Variants in RAD50 observed in about 807,000 individuals in gnomAD.
The protein encoded by RAD50 is DNA repair protein RAD50.
A neutral mutation model predicts 168.8 loss-of-function variants in RAD50; 132 were observed. That is an observed-to-expected ratio of 0.78 (90% CI 0.68 to 0.90). The LOEUF (loss-of-function observed/expected upper bound fraction) is 0.90. Ranked by LOEUF, RAD50 falls within the 40% of genes least tolerant of loss-of-function variation. RAD50 has a pLI of 0.00. For synonymous variants in RAD50, 525 were observed against 497.4 expected (o/e 1.06, Z -0.74); for missense variants, 1,347 against 1,534.4 (o/e 0.88, Z 2.04).
At chr5:132,641,377 A>G (rs1255002127) in intron 24 of RAD50, among the ~76,000 whole-genome samples, 2 of 152,182 alleles carry the variant, frequency 1.3e-5, no homozygotes, top group Non-Finnish European at 2.9e-5. Context: ...ATGCTGGCAG[A>G]GAAAAAGGCA....
intron 2 of RAD50, among the ~76,000 whole-genome samples, chr5:132,564,979 G>A (rs1178827926): frequency 6.6e-6 from 1 of 152,208 alleles, no homozygotes; most frequent in Non-Finnish European, 1.5e-5. Context: ...ACGTCTGGAT[G>A]TCCAGGCAGA....
intron 21 of RAD50, among the ~76,000 whole-genome samples, chr5:132,629,835 C>CT (rs1228857959): frequency 2.6e-5 from 4 of 152,064 alleles, no homozygotes; most frequent in Admixed American, 1.3e-4. Context: ...AAAAACATCA[C>CT]TAAGTATAAG....
intron 23 of RAD50, 79 bp from the exon 24 acceptor site, chr5:132,640,593 A>G: frequency 1.3e-6 from 2 of 1,593,530 alleles, no homozygotes; most frequent in East Asian, 2.2e-5. Context: ...CCCTGCTGAA[A>G]AGATCATGTC....
At chr5:132,607,683 C>A (rs1469585814) in intron 16 of RAD50, among the ~76,000 whole-genome samples, 8 of 152,272 alleles carry the variant, frequency 5.3e-5, no homozygotes, top group African/African-American at 1.9e-4. Context: ...ATGATGAAAT[C>A]TCTTTATAGA....
At chr5:132,619,889 G>GATATATATATATATATATAT (rs1281581940) in intron 21 of RAD50, among the ~76,000 whole-genome samples, 51 of 132,010 alleles carry the variant, frequency 3.9e-4, no homozygotes, top group African/African-American at 1.5e-3. Flanking sequence ...TATATATAGA[G>GATATATATATATATATATAT]AGAGAGAGAG....
chr5:132,565,723 C>T (rs150475081), intron 2 of RAD50, among the ~76,000 whole-genome samples: 6 of 152,270 alleles, frequency 3.9e-5, no homozygotes, highest in Non-Finnish European at 5.9e-5. Context: ...TCCCCCTAGC[C>T]GACTTAACCC....
chr5:132,589,527 G>A (rs866017536), intron 8 of RAD50, 104 bp from the exon 9 acceptor site: 14 of 883,240 alleles, frequency 1.6e-5, no homozygotes, highest in African/African-American at 6.8e-5. Context: ...ACACACGACT[G>A]TACTTTTTTG....
rs1581001042 is a variant in RAD50 at position 132,603,384 on chromosome 5, A to G, written c.2292A>G (p.Leu764=). ...LQNVNRDIQR[L]KNDIEEQETL... is the part of the protein sequence containing the mutation. The stretch of plus-strand genomic sequence containing the variant: ...ATGTCAATAGAGACATACAGCGCCT[A>G]AAGAACGACATAGAAGAACAAGAAA... The change falls in exon 14 of 25, where the codon CTA becomes CTG. Residue 764 remains leucine (L), a synonymous_variant. Transcript: ENST00000378823. 5.6e-6 allele frequency: 9 copies of G among 1,613,922 alleles called. No individual in the cohort carries two copies. The highest frequency in any genetic ancestry group is 1.3e-5 in the African/African-American group (1 of 75,048).
intron 19 of RAD50, among the ~76,000 whole-genome samples, chr5:132,615,351 G>A (rs1348956608): frequency 6.6e-6 from 1 of 152,106 alleles, no homozygotes; most frequent in Non-Finnish European, 1.5e-5. Flanking sequence ...GGCTAAGGAG[G>A]TACCAAGTTC....
intron 1 of RAD50, among the ~76,000 whole-genome samples, chr5:132,558,288 T>G (rs1449061014): frequency 6.6e-6 from 1 of 152,246 alleles, no homozygotes; most frequent in African/African-American, 2.4e-5. Flanking sequence ...AGAGTAGTAC[T>G]GTATAGTGTT....
chr5:132,598,915 T>C (rs932694199), intron 13 of RAD50, among the ~76,000 whole-genome samples: 2 of 152,212 alleles, frequency 1.3e-5, no homozygotes, highest in African/African-American at 4.8e-5. Context: ...GAGGATACTG[T>C]ATCTCTTGAT....
chr5:132,623,398 C>T (rs1284672410), intron 21 of RAD50, among the ~76,000 whole-genome samples: 1 of 152,156 alleles, frequency 6.6e-6, no homozygotes, highest in African/African-American at 2.4e-5. Flanking sequence ...AGGAGAATCG[C>T]TTGAACTGGG....
rs375069351 is a variant in RAD50, at chr5:132,587,676, G to A, written c.871G>A (p.Glu291Lys). ...GGAGAAAGATAATAGTGAACTGGAAGAGAAAATGGAAAAGGTTTGTGGTGG... is the reference window on the plus strand; with the variant it reads ...GGAGAAAGATAATAGTGAACTGGAAAAGAAAATGGAAAAGGTTTGTGGTGG... Reference protein sequence around the residue: ...QMEKDNSELEEKMEKVFQGTD... With the variant: ...QMEKDNSELEKKMEKVFQGTD... Residue 291 changes from glutamate to lysine, a missense_variant, in exon 6 of 25, where the codon GAG becomes AAG. This residue lies in a region of RAD50 where 703 missense variants were observed against 767.7 expected (regional missense o/e 0.92). Coordinates refer to ENST00000378823, the MANE Select transcript of RAD50 (RefSeq NM_005732.4). The A allele has an allele frequency of 8.7e-6, 14 of 1,613,582 alleles. No individual in the cohort carries two copies. The African/African-American group carries it at 1.7e-4, about 20-fold the overall frequency.
intron 20 of RAD50, among the ~76,000 whole-genome samples, 184 bp downstream of exon 20, chr5:132,616,314 G>A (rs1751174324): frequency 1.3e-5 from 2 of 152,284 alleles, no homozygotes; most frequent in African/African-American, 4.8e-5. Flanking sequence ...TACTGAAGAA[G>A]TGATATAGAA....
intron 9 of RAD50, 99 bp from the exon 10 acceptor site, chr5:132,591,125 A>G: frequency 1.6e-6 from 2 of 1,223,326 alleles, no homozygotes; most frequent in Non-Finnish European, 2.4e-6. Flanking sequence ...AATATTTGGA[A>G]CATTCTGAGG....
intron 16 of RAD50, among the ~76,000 whole-genome samples, chr5:132,608,368 A>G (rs1210933210): frequency 6.6e-6 from 1 of 152,204 alleles, no homozygotes; most frequent in Non-Finnish European, 1.5e-5. Context: ...GGACTGGGTT[A>G]AAATCTTGGC....
chr5:132,621,945 T>A (rs1175030008), intron 21 of RAD50, among the ~76,000 whole-genome samples: 1 of 152,086 alleles, frequency 6.6e-6, no homozygotes, highest in Non-Finnish European at 1.5e-5. Flanking sequence ...CTTTCTCCAT[T>A]TCTCACTATT....
intron 14 of RAD50, 60 bp downstream of exon 14, chr5:132,603,549 G>A (rs1265412172): frequency 2.9e-5 from 45 of 1,533,246 alleles, no homozygotes; most frequent in Non-Finnish European, 3.7e-5. Context: ...TGAATTTGAA[G>A]TGTGAGAGTT....
At chr5:132,557,569 G>A in intron 1 of RAD50, 116 bp downstream of exon 1, 2 of 1,466,340 alleles carry the variant, frequency 1.4e-6, no homozygotes, top group Non-Finnish European at 1.9e-6. Context: ...CACAGGTGTA[G>A]GCCCTTAAAG....
Sources: allele counts gnomAD v4.1 joint callset (sites outside exome capture counted in the v4.1 genomes callset), GRCh38; gene constraint gnomAD v4.1.1; regional missense constraint gnomAD v4.1.1; transcripts MANE v1.5; gene names NCBI Gene and HGNC (gene_info 2026-07-23, HGNC 2026-07-21).